TMEM86A: variants seen among roughly 807,000 people sequenced by gnomAD.
TMEM86A encodes lysoplasmalogenase TMEM86A.
Under a neutral mutation model 19.8 loss-of-function variants are expected in TMEM86A, and 13 were observed. That is an observed-to-expected ratio of 0.66 (90% CI 0.43 to 1.04). TMEM86A has a LOEUF of 1.04. Among genes scored for constraint, TMEM86A ranks in the 50% least tolerant of loss-of-function variants. TMEM86A has a pLI of 0.00. For synonymous variants in TMEM86A, 128 were observed against 129.9 expected (o/e 0.99, Z 0.10); for missense variants, 248 against 306.8 (o/e 0.81, Z 1.43).
Position 18,704,324 on chromosome 11 carries a change from C to T in TMEM86A, c.*2315C>T, listed in dbSNP as rs181548002. 69 of 648,118 alleles carry T rather than the reference C, an allele frequency of 1.1e-4. No individual in the cohort carries two copies. The highest frequency in any genetic ancestry group is 9.9e-4 in the African/African-American group (54 of 54,706). The allele number at this position is 648,118 out of a possible 1,614,324, so 40.1% of individuals were successfully genotyped here. A position where few individuals can be genotyped will look rare whatever the true frequency, so the allele number is the denominator to read the frequency against. On this transcript the variant is annotated 3_prime_UTR_variant, in exon 3 of 3. Transcript: ENST00000280734. ...CTCAGGAACGGGAAAGGATGAGTTACGTTTATTGCCCCATCCCTTCACTGA... is the reference window on the plus strand; with the variant it reads ...CTCAGGAACGGGAAAGGATGAGTTATGTTTATTGCCCCATCCCTTCACTGA...
In TMEM86A at chr11:18,700,702, A is replaced by G. The variant is rs897125470; in HGVS notation, c.22-231A>G. 1.0e-5 allele frequency: 6 copies of G among 601,414 alleles called. No homozygotes were observed. In the South Asian group the frequency reaches 1.3e-4, roughly 13 times the overall value. The allele number at this position is 601,414 out of a possible 1,614,324, so 37.3% of individuals were successfully genotyped here. ...AAGGGAGAAGCACACTAGGCTGCAG[A>G]AGGGTGCCCCTCCTAATATACTGAG... On this transcript the variant is annotated intron_variant, in intron 1 of 2. Transcript: ENST00000280734.
chr11:18,701,309 C>A lies in TMEM86A; in HGVS notation c.286+112C>A. 1 of 1,432,916 alleles carries A rather than the reference C, an allele frequency of 7.0e-7. No homozygotes were observed. The highest frequency in any genetic ancestry group is 9.4e-7 in the Non-Finnish European group (1 of 1,063,770). The allele number at this position is 1,432,916 out of a possible 1,614,324, so 88.8% of individuals were successfully genotyped here. On this transcript the variant is annotated intron_variant, in intron 2 of 2. Transcript: ENST00000280734. The surrounding 1 kb of genome is among the most constrained non-coding windows in gnomAD (Gnocchi z 5.3). ...AGTTCTTGAACCAGAGTGTGGGGAG[C>A]CTGAGGGTTTCTGAGGCCAGGGACT...
At position 18,701,330 on chromosome 11, in the gene TMEM86A, G is replaced by A; in HGVS notation, c.286+133G>A. On this transcript the variant is annotated intron_variant, in intron 2 of 2. Coordinates refer to ENST00000280734, the MANE Select transcript of TMEM86A (RefSeq NM_153347.3). The surrounding 1 kb of genome is among the most constrained non-coding windows in gnomAD (Gnocchi z 5.3). ...GGAGCCTGAGGGTTTCTGAGGCCAG[G>A]GACTGTGAGGGTCCTTGTTAGGGGA... 1 of 1,257,998 alleles carries A rather than the reference G, an allele frequency of 7.9e-7. No individual in the cohort carries two copies. 77.9% of individuals were successfully genotyped at this position (1,257,998 alleles called of 1,614,324 possible). A position where few individuals can be genotyped will look rare whatever the true frequency, so the allele number is the denominator to read the frequency against.
rs1485185242 is a variant in TMEM86A at position 18,704,683 on chromosome 11, C to T, written c.*2674C>T. On this transcript the variant is annotated 3_prime_UTR_variant, in exon 3 of 3. Coordinates refer to ENST00000280734, the MANE Select transcript of TMEM86A (RefSeq NM_153347.3). ...TTGGCAGAGTGTGAAGGGGCAAGAG[C>T]TGCCATTTATCTAGCACTTAATATT... The T allele has an allele frequency of 1.6e-6, 1 of 637,870 alleles. No individual in the cohort carries two copies. The highest frequency in any genetic ancestry group is 2.5e-5 in the Admixed American group (1 of 39,674). 39.5% of individuals were successfully genotyped at this position (637,870 alleles called of 1,614,324 possible). A position where few individuals can be genotyped will look rare whatever the true frequency, so the allele number is the denominator to read the frequency against.
chr11:18,701,861 C>T lies in TMEM86A; in HGVS notation c.575C>T (p.Thr192Ile), dbSNP rs1245683996. 8 of 1,614,074 alleles carry T rather than the reference C, an allele frequency of 5.0e-6. No homozygotes were observed. The South Asian group carries it at 7.7e-5, about 16-fold the overall frequency. The stretch of plus-strand genomic sequence containing the variant: ...CTCTTCTTTATCATCTCAGACCTGA[C>T]CATCGCCCTCAACAAATTCTGTTTT... ...GALFFIISDL[T>I]IALNKFCFPV... Residue 192 changes from threonine to isoleucine, a missense_variant, in exon 3 of 3, where the codon ACC becomes ATC. Coordinates refer to ENST00000280734, the MANE Select transcript of TMEM86A (RefSeq NM_153347.3). The surrounding 1 kb of genome is among the most constrained non-coding windows in gnomAD (Gnocchi z 5.3).
At position 18,701,191 on chromosome 11, in the gene TMEM86A, G is replaced by T. The variant is rs750692066; in HGVS notation, c.280G>T (p.Val94Leu). Residue 94 changes from valine to leucine, a missense_variant, in exon 2 of 3, where the codon GTG becomes TTG. Transcript: ENST00000280734. The surrounding 1 kb of genome is among the most constrained non-coding windows in gnomAD (Gnocchi z 5.3). ...FLIWQDQGYF[V>L]HGLLMFAVTH... ...CATCTGGCAGGACCAAGGATACTTCGTGCATGGTCAGTGGCCATAGTAGTT... is the reference window on the plus strand; with the variant it reads ...CATCTGGCAGGACCAAGGATACTTCTTGCATGGTCAGTGGCCATAGTAGTT... 1.2e-6 allele frequency: 2 copies of T among 1,613,418 alleles called. No individual in the cohort carries two copies. Among genetic ancestry groups the T allele is most frequent in the East Asian group, 2.2e-5 (1 of 44,874 alleles).
At position 18,701,506 on chromosome 11, in the gene TMEM86A, AC is replaced by A. The variant is rs1183370072; in HGVS notation, c.287-62del. The A allele has an allele frequency of 2.7e-6, 4 of 1,476,388 alleles. No homozygotes were observed. In the African/African-American group the frequency reaches 5.7e-5, roughly 21 times the overall value. 91.5% of individuals were successfully genotyped at this position (1,476,388 alleles called of 1,614,324 possible). A position where few individuals can be genotyped will look rare whatever the true frequency, so the allele number is the denominator to read the frequency against. On this transcript the variant is annotated intron_variant, in intron 2 of 2. Coordinates refer to ENST00000280734, the MANE Select transcript of TMEM86A (RefSeq NM_153347.3). The surrounding 1 kb of genome is among the most constrained non-coding windows in gnomAD (Gnocchi z 5.3). The stretch of plus-strand genomic sequence containing the variant: ...CCACTCCATCGCCACATCCATCCCT[AC>A]CCCCACCCTGTTACTCATTCTTCAT...
rs1475753564 is a variant in TMEM86A, at chr11:18,704,230, A to G, written c.*2221A>G. On this transcript the variant is annotated 3_prime_UTR_variant, in exon 3 of 3. Transcript: ENST00000280734. ...GTGGGTGGGTTTGGACTAGGCTTTCAGGGGTCCAGGTCTGGGATTCCCTAT... is the reference window on the plus strand; with the variant it reads ...GTGGGTGGGTTTGGACTAGGCTTTCGGGGGTCCAGGTCTGGGATTCCCTAT... 10 of 489,176 alleles carry G rather than the reference A, an allele frequency of 2.0e-5. No individual in the cohort carries two copies. Among genetic ancestry groups the G allele is most frequent in the Non-Finnish European group, 3.7e-5 (10 of 269,298 alleles). 30.3% of individuals were successfully genotyped at this position (489,176 alleles called of 1,614,324 possible). A position where few individuals can be genotyped will look rare whatever the true frequency, so the allele number is the denominator to read the frequency against.
Position 18,701,639 on chromosome 11 carries a change from T to C in TMEM86A, c.353T>C (p.Leu118Pro), listed in dbSNP as rs1330146561. 44 of 1,600,148 alleles carry C rather than the reference T, an allele frequency of 2.7e-5. No homozygotes were observed. The highest frequency in any genetic ancestry group is 3.7e-5 in the Non-Finnish European group (43 of 1,170,742). ...GCCTTTGGCATGCAGCCACTGGCTC[T>C]TCGGACAGGTCTGGTGATGGCAGCG... ...ASAFGMQPLA[L>P]RTGLVMAALS... Residue 118 changes from leucine (L) to proline (P), a missense_variant, in exon 3 of 3, where the codon CTT (leucine) becomes CCT (proline). Leu to Pro is a moderately conservative substitution (Grantham distance 98, BLOSUM62 -3). Coordinates refer to ENST00000280734, the MANE Select transcript of TMEM86A (RefSeq NM_153347.3). This position sits in a 1 kb window ranked among gnomAD's most constrained non-coding sequence, Gnocchi z 5.3.
chr11:18,702,284 C>T lies in TMEM86A; in HGVS notation c.*275C>T, dbSNP rs1394506005. Reference sequence around the variant, plus strand: ...TCTACCCTATCAGGACTTTCAAAACCCCCCTGGAAGGTGATGGTGCTCAGC... The same window carrying T: ...TCTACCCTATCAGGACTTTCAAAACTCCCCTGGAAGGTGATGGTGCTCAGC... On this transcript the variant is annotated 3_prime_UTR_variant, in exon 3 of 3. Transcript: ENST00000280734. 1.6e-5 allele frequency: 8 copies of T among 489,220 alleles called. No homozygotes were observed. The highest frequency in any genetic ancestry group is 2.6e-5 in the Non-Finnish European group (7 of 269,142). The allele number at this position is 489,220 out of a possible 1,614,324, so 30.3% of individuals were successfully genotyped here. A position where few individuals can be genotyped will look rare whatever the true frequency, so the allele number is the denominator to read the frequency against.
Position 18,701,449 on chromosome 11 carries a change from C to A in TMEM86A, c.287-124C>A. On this transcript the variant is annotated intron_variant, in intron 2 of 2. Coordinates refer to ENST00000280734, the MANE Select transcript of TMEM86A (RefSeq NM_153347.3). The surrounding 1 kb of genome is among the most constrained non-coding windows in gnomAD (Gnocchi z 5.3). Reference sequence around the variant, plus strand: ...TTAGATCTTCCTACCCCTGTTATCCCAAAGCAAAGCTGCTGGGTTATCCCA... The same window carrying A: ...TTAGATCTTCCTACCCCTGTTATCCAAAAGCAAAGCTGCTGGGTTATCCCA... 8.4e-7 allele frequency: 1 copy of A among 1,190,556 alleles called. No individual in the cohort carries two copies. Among genetic ancestry groups the A allele is most frequent in the Non-Finnish European group, 1.2e-6 (1 of 850,052 alleles). The allele number at this position is 1,190,556 out of a possible 1,614,324, so 73.7% of individuals were successfully genotyped here. A position where few individuals can be genotyped will look rare whatever the true frequency, so the allele number is the denominator to read the frequency against.
At position 18,699,251 on chromosome 11, in the gene TMEM86A, G is replaced by A. The variant is rs903286593; in HGVS notation, c.21+344G>A. Among the ~76,000 whole-genome samples, 1 of 152,202 alleles carries A rather than the reference G, an allele frequency of 6.6e-6. No individual in the cohort carries two copies. The highest frequency in any genetic ancestry group is 1.5e-5 in the Non-Finnish European group (1 of 68,030). ...GCCGGCCGCAGAGTTCCGCGTAGGC[G>A]GACCACAGGGAGGCGTGGGGGCGGG... On this transcript the variant is annotated intron_variant, in intron 1 of 2. Coordinates refer to ENST00000280734, the MANE Select transcript of TMEM86A (RefSeq NM_153347.3). This position sits in a 1 kb window ranked among gnomAD's most constrained non-coding sequence, Gnocchi z 4.0.
At position 18,704,516 on chromosome 11, in the gene TMEM86A, T is replaced by C. The variant is rs1848184580; in HGVS notation, c.*2507T>C. The C allele has an allele frequency of 1.3e-6, 2 of 1,550,104 alleles. No homozygotes were observed. The highest frequency in any genetic ancestry group is 1.7e-6 in the Non-Finnish European group (2 of 1,146,082). On this transcript the variant is annotated 3_prime_UTR_variant, in exon 3 of 3. Transcript: ENST00000280734. ...TCTGCAGACTCTCGGTGATGGATGC[T>C]ACAACTGACTTATCATCTTTGTCTG...
rs1400938326 is a variant in TMEM86A, at chr11:18,698,878, G to A, written c.-9G>A. 1 of 677,754 alleles carries A rather than the reference G, an allele frequency of 1.5e-6. No individual in the cohort carries two copies. The highest frequency in any genetic ancestry group is 3.1e-5 in the East Asian group (1 of 32,646). The allele number at this position is 677,754 out of a possible 1,614,324, so 42.0% of individuals were successfully genotyped here. A position where few individuals can be genotyped will look rare whatever the true frequency, so the allele number is the denominator to read the frequency against. On this transcript the variant is annotated 5_prime_UTR_variant, in exon 1 of 3. Coordinates refer to ENST00000280734, the MANE Select transcript of TMEM86A (RefSeq NM_153347.3). ...CCGGAGCAGGGTGCCAGCCGCCGCC[G>A]CCGCCGCCATGGTGTCCCCGGTCAC... is the stretch of plus-strand genomic sequence containing the variant.
chr11:18,700,909 C>T (rs1286463289), intron 1 of TMEM86A, 24 bp from the exon 2 acceptor site: 2 of 1,611,272 alleles, frequency 1.2e-6, no homozygotes, highest in South Asian at 2.2e-5. Flanking sequence ...GTTCTGAGTG[C>T]TGCCCTTGTC....
Position 18,701,578 on chromosome 11 carries a change from C to T in TMEM86A, c.292C>T (p.Leu98=). Residue 98 remains leucine (L), a synonymous_variant, in exon 3 of 3, where the codon CTG becomes TTG. Transcript: ENST00000280734. This position sits in a 1 kb window ranked among gnomAD's most constrained non-coding sequence, Gnocchi z 5.3. ...QDQGYFVHGL[L]MFAVTHMFYA... is the part of the protein sequence containing the mutation. ...TTTGCCCCTCTTACCCCCAGGTCTG[C>T]TGATGTTTGCTGTGACCCACATGTT... is the stretch of plus-strand genomic sequence containing the variant. 6.5e-7 allele frequency: 1 copy of T among 1,547,272 alleles called. No homozygotes were observed. Among genetic ancestry groups the T allele is most frequent in the Non-Finnish European group, 8.7e-7 (1 of 1,146,286 alleles).
rs1848126580 is a variant in TMEM86A, at chr11:18,699,002, A to G, written c.21+95A>G. On this transcript the variant is annotated intron_variant, in intron 1 of 2. Transcript: ENST00000280734. The surrounding 1 kb of genome is among the most constrained non-coding windows in gnomAD (Gnocchi z 4.0). ...GCAGGCCGAGCTGCCGAAGGGGCCGAGGCGGGGCGGGGGTCCCGTGGCGGC... is the reference window on the plus strand; with the variant it reads ...GCAGGCCGAGCTGCCGAAGGGGCCGGGGCGGGGCGGGGGTCCCGTGGCGGC... 1 of 401,830 alleles carries G rather than the reference A, an allele frequency of 2.5e-6. No homozygotes were observed. Among genetic ancestry groups the G allele is most frequent in the Admixed American group, 4.5e-5 (1 of 22,138 alleles). 24.9% of individuals were successfully genotyped at this position (401,830 alleles called of 1,614,324 possible).
At position 18,704,453 on chromosome 11, in the gene TMEM86A, G is replaced by C; in HGVS notation, c.*2444G>C. On this transcript the variant is annotated 3_prime_UTR_variant, in exon 3 of 3. Transcript: ENST00000280734. ...ACATCATAACAGCCTCCTGATGCCT[G>C]GGCTTGGCTGGAGCTCACATGAGGT... The C allele has an allele frequency of 3.2e-6, 5 of 1,538,810 alleles. No homozygotes were observed. The highest frequency in any genetic ancestry group is 4.4e-6 in the Non-Finnish European group (5 of 1,135,440).
At position 18,704,517 on chromosome 11, in the gene TMEM86A, A is replaced by T. The variant is rs567383064; in HGVS notation, c.*2508A>T. ...CTGCAGACTCTCGGTGATGGATGCTACAACTGACTTATCATCTTTGTCTGA... is the reference window on the plus strand; with the variant it reads ...CTGCAGACTCTCGGTGATGGATGCTTCAACTGACTTATCATCTTTGTCTGA... On this transcript the variant is annotated 3_prime_UTR_variant, in exon 3 of 3. Transcript: ENST00000280734. 5.8e-6 allele frequency: 9 copies of T among 1,550,258 alleles called. No homozygotes were observed. In the African/African-American group the frequency reaches 8.2e-5, roughly 14 times the overall value.
Sources: gnomAD v4.1 joint callset for allele counts (sites outside exome capture counted in the v4.1 genomes callset) on GRCh38, gnomAD v4.1.1 for gene constraint, Gnocchi (gnomAD v3.1) non-coding constraint, MANE v1.5 for transcripts, NCBI Gene and HGNC (gene_info 2026-07-23, HGNC 2026-07-21) for gene names.